The following RYR3 variants were observed in gnomAD, a reference collection of about 807,000 sequenced individuals.
The protein encoded by RYR3 is brain ryanodine receptor-calcium release channel.
In RYR3, 207 loss-of-function variants were observed where a neutral mutation model predicts 584.3. That is an observed-to-expected ratio of 0.35 (90% CI 0.32 to 0.40). RYR3 has a LOEUF of 0.40. Ranked by LOEUF, RYR3 falls within the 10% of genes least tolerant of loss-of-function variation. The pLI is 1.00. For synonymous variants in RYR3, 2,416 were observed against 2,248.5 expected (o/e 1.07, Z -2.11); for missense variants, 5,616 against 6,089.2 (o/e 0.92, Z 2.59).
chr15:33,805,725 C>T (rs1412458322), intron 69 of RYR3, among the ~76,000 whole-genome samples: 1 of 151,344 alleles, frequency 6.6e-6, no homozygotes, highest in East Asian at 2.0e-4. Context: ...GATCCGCCCG[C>T]CTCGGCCTCC....
intron 51 of RYR3, among the ~76,000 whole-genome samples, chr15:33,741,359 A>G (rs4780172): frequency 1 from 152,217 of 152,322 alleles, 76,057 homozygotes; most frequent in Middle Eastern, 1. Context: ...CCCATTGGGT[A>G]AATCACCTTG....
intron 47 of RYR3, among the ~76,000 whole-genome samples, chr15:33,729,831 C>T (rs555274794): frequency 1.8e-4 from 28 of 152,254 alleles, no homozygotes; most frequent in African/African-American, 6.7e-4. Flanking sequence ...TCAAAGGCTC[C>T]ACCTGGTGTC....
chr15:33,700,932 GTCT>G, intron 41 of RYR3, 42 bp from the exon 42 acceptor site: 8 of 1,414,978 alleles, frequency 5.7e-6, no homozygotes, highest in Non-Finnish European at 7.9e-6. Context: ...AGCACTGAGT[GTCT>G]TCCTCTGTCC....
chr15:33,586,214 CTTGACTT>C (rs1595719238), intron 16 of RYR3, 98 bp downstream of exon 16: 2 of 738,220 alleles, frequency 2.7e-6, no homozygotes, highest in East Asian at 5.3e-5. Flanking sequence ...ATTAGTCTTT[CTTGACTT>C]TGATAAAAAT....
At chr15:33,525,859 C>G (rs898282595) in intron 3 of RYR3, among the ~76,000 whole-genome samples, 2 of 152,182 alleles carry the variant, frequency 1.3e-5, no homozygotes, top group Non-Finnish European at 2.9e-5. Flanking sequence ...CTGTGAGCTT[C>G]CAGAAAGACT....
chr15:33,717,002 A>G (rs947007393), intron 43 of RYR3, among the ~76,000 whole-genome samples: 3 of 152,144 alleles, frequency 2.0e-5, no homozygotes, highest in African/African-American at 7.2e-5. Context: ...ACACCTTCTG[A>G]CTTCAGGTTT....
rs2078618747 is a variant in RYR3, at chr15:33,844,910, T to C, written c.13345T>C (p.Trp4449Arg). 5 of 1,614,024 alleles carry C rather than the reference T, an allele frequency of 3.1e-6. No homozygotes were observed. The highest frequency in any genetic ancestry group is 4.2e-6 in the Non-Finnish European group (5 of 1,179,884). ...AGAGACAGAGGATGTTGCAAACCTA[T>C]GGAATTCCTTTAATGACGAGGAAGA... ...EEETEDVANL[W>R]NSFNDEEEEE... The change falls in exon 93 of 104, where the codon TGG becomes CGG. Residue 4449 changes from tryptophan (W) to arginine (R), a missense_variant. By Grantham distance (101) the Trp-to-Arg change is moderately radical. Around this residue, in one of 9 missense-constraint regions of RYR3, gnomAD observed 918 missense variants for 887.4 expected, o/e 1.03. Transcript: ENST00000634891.
intron 74 of RYR3, 108 bp from the exon 75 acceptor site, chr15:33,816,754 A>G: frequency 3.1e-6 from 2 of 650,168 alleles, no homozygotes; most frequent in Non-Finnish European, 5.4e-6. Flanking sequence ...CAATCAGAAG[A>G]CAAGAATTGT....
At chr15:33,753,560 T>C (rs1482674097) in intron 57 of RYR3, among the ~76,000 whole-genome samples, 1 of 152,216 alleles carries the variant, frequency 6.6e-6, no homozygotes, top group African/African-American at 2.4e-5. Context: ...TTTATTCCGA[T>C]ATAGCCATTC....
rs774124332 is a variant in RYR3, at chr15:33,837,708, T to A, written c.11728T>A (p.Leu3910Met). The A allele has an allele frequency of 6.2e-7, 1 of 1,610,618 alleles. No individual in the cohort carries two copies. The highest frequency in any genetic ancestry group is 1.1e-5 in the South Asian group (1 of 90,460). Residue 3910 changes from leucine (L) to methionine (M), a missense_variant, in exon 89 of 104, where the codon TTG becomes ATG. Around this residue, in one of 9 missense-constraint regions of RYR3, gnomAD observed 258 missense variants for 297.3 expected, o/e 0.87. Coordinates refer to ENST00000634891, the MANE Select transcript of RYR3 (RefSeq NM_001036.6). ...VESSTNVEMI[L>M]KFFDMFLKLK... is the part of the protein sequence containing the mutation. ...ATCATCTACCAATGTAGAAATGATC[T>A]TGAAATTCTTTGACATGTTCTTGAA...
At chr15:33,356,969 A>T (rs1252275381) in intron 1 of RYR3, among the ~76,000 whole-genome samples, 16 of 152,278 alleles carry the variant, frequency 1.1e-4, no homozygotes, top group Non-Finnish European at 2.9e-5. Context: ...GTGATTCCTT[A>T]TGGCTGGTGA....
Position 33,865,505 on chromosome 15 carries a change from A to G in RYR3, c.*279A>G, listed in dbSNP as rs1567376463. 3 of 371,530 alleles carry G rather than the reference A, an allele frequency of 8.1e-6. No homozygotes were observed. Among genetic ancestry groups the G allele is most frequent in the Non-Finnish European group, 1.5e-5 (3 of 205,030 alleles). 23.0% of individuals were successfully genotyped at this position (371,530 alleles called of 1,614,324 possible). A position where few individuals can be genotyped will look rare whatever the true frequency, so the allele number is the denominator to read the frequency against. Reference sequence around the variant, plus strand: ...CTTCAAGTTTTCCAGTTCTGAGGTAACTAGTTCAGTTTGTTGGGATGGAAG... The same window carrying G: ...CTTCAAGTTTTCCAGTTCTGAGGTAGCTAGTTCAGTTTGTTGGGATGGAAG... On this transcript the variant is annotated 3_prime_UTR_variant, in exon 104 of 104. Coordinates refer to ENST00000634891, the MANE Select transcript of RYR3 (RefSeq NM_001036.6).
intron 52 of RYR3, among the ~76,000 whole-genome samples, chr15:33,743,511 A>G (rs2152839194): frequency 6.6e-6 from 1 of 152,296 alleles, no homozygotes; most frequent in African/African-American, 2.4e-5. Context: ...GTGGCCAGCT[A>G]GATTTGGCTT....
chr15:33,452,466 A>T (rs2047209220), intron 1 of RYR3, among the ~76,000 whole-genome samples: 3 of 152,230 alleles, frequency 2.0e-5, no homozygotes, highest in Admixed American at 6.5e-5. Context: ...GTCTATGAAA[A>T]TCAGACTACT....
chr15:33,404,800 A>G (rs950159271), intron 1 of RYR3, among the ~76,000 whole-genome samples: 1 of 152,182 alleles, frequency 6.6e-6, no homozygotes, highest in Non-Finnish European at 1.5e-5. Flanking sequence ...TCCAGACAGA[A>G]TATATTCCTT....
chr15:33,475,429 A>G (rs941741630), intron 2 of RYR3, among the ~76,000 whole-genome samples: 1 of 152,188 alleles, frequency 6.6e-6, no homozygotes, highest in Non-Finnish European at 1.5e-5. Context: ...ATCGGGCATT[A>G]GATTCTCATA....
At chr15:33,453,246 A>C (rs1236158845) in intron 1 of RYR3, among the ~76,000 whole-genome samples, 2 of 152,002 alleles carry the variant, frequency 1.3e-5, no homozygotes, top group Non-Finnish European at 2.9e-5. Context: ...GTAGAAAAAA[A>C]ATAAACCTTA....
intron 3 of RYR3, 99 bp from the exon 4 acceptor site, chr15:33,530,493 C>A: frequency 1.2e-6 from 1 of 829,236 alleles, no homozygotes; most frequent in Non-Finnish European, 2.0e-6. Context: ...TGCAATGGGT[C>A]TTTTCCTGGT....
At chr15:33,694,304 G>A (rs1024245362) in intron 38 of RYR3, among the ~76,000 whole-genome samples, 3 of 151,546 alleles carry the variant, frequency 2.0e-5, no homozygotes, top group Non-Finnish European at 4.4e-5. Context: ...GAGTGCAGTG[G>A]TGCAATCTCA....
Sources: gnomAD v4.1 joint callset for allele counts (sites outside exome capture counted in the v4.1 genomes callset) on GRCh38, gnomAD v4.1.1 for gene constraint, gnomAD v4.1.1 regional missense constraint, MANE v1.5 for transcripts, NCBI Gene and HGNC (gene_info 2026-07-23, HGNC 2026-07-21) for gene names.